Variants in ATF6 observed in about 807,000 individuals in gnomAD.
ATF6 encodes the protein cyclic AMP-dependent transcription factor ATF-6 alpha.
In ATF6, 53 loss-of-function variants were observed where a neutral mutation model predicts 83.6. That is an observed-to-expected ratio of 0.63 (90% CI 0.51 to 0.80). ATF6 has a LOEUF of 0.80. ATF6 is among the 30% of genes least tolerant of loss of function. ATF6 has a pLI of 0.00. For missense variants in ATF6, 744 were observed against 797.9 expected, an observed-to-expected ratio of 0.93 and a Z score of 0.81; for synonymous variants, 288 against 285.8, an observed-to-expected ratio of 1.01 and a Z score of -0.08.
intron 15 of ATF6, among the ~76,000 whole-genome samples, chr1:161,952,563 G>A (rs1210378770): frequency 6.6e-6 from 1 of 151,856 alleles, no homozygotes; most frequent in African/African-American, 2.4e-5. Flanking sequence ...ATGAGGACAG[G>A]ATTTTTTTTT....
chr1:161,780,261 T>C (rs567768652), intron 2 of ATF6, among the ~76,000 whole-genome samples: 1 of 152,216 alleles, frequency 6.6e-6, no homozygotes, highest in Non-Finnish European at 1.5e-5. Flanking sequence ...AAATGAACCA[T>C]ATAGTAGTCA....
intron 2 of ATF6, among the ~76,000 whole-genome samples, chr1:161,781,692 C>G (rs1684637490): frequency 6.6e-6 from 1 of 152,148 alleles, no homozygotes; most frequent in Admixed American, 6.5e-5. Context: ...AATCCCTTAC[C>G]TCTTTCCTAG....
chr1:161,816,952 TGTTTG>T (rs1685627885), intron 7 of ATF6, among the ~76,000 whole-genome samples: 1 of 152,216 alleles, frequency 6.6e-6, no homozygotes, highest in African/African-American at 2.4e-5. Flanking sequence ...TGGAGCCCTG[TGTTTG>T]GTGATAGCCG....
chr1:161,770,487 T>G (rs908682651), intron 1 of ATF6, among the ~76,000 whole-genome samples: 9 of 152,210 alleles, frequency 5.9e-5, no homozygotes, highest in South Asian at 2.1e-4. Context: ...CTGGCTTGCA[T>G]GCACATGGCT....
At chr1:161,770,638 T>C (rs1684362649) in intron 1 of ATF6, among the ~76,000 whole-genome samples, 1 of 152,202 alleles carries the variant, frequency 6.6e-6, no homozygotes, top group Non-Finnish European at 1.5e-5. Context: ...TCTCTCGATA[T>C]AGTAATATTT....
At chr1:161,803,861 C>T (rs1335811266) in intron 7 of ATF6, among the ~76,000 whole-genome samples, 1 of 151,702 alleles carries the variant, frequency 6.6e-6, no homozygotes, top group Non-Finnish European at 1.5e-5. Context: ...TTTTATTATA[C>T]TTTAAGTTTT....
In ATF6 at chr1:161,962,119, C is replaced by T. The variant is rs989890382; in HGVS notation, c.*3465C>T. 8 of 95,562 alleles carry T rather than the reference C, an allele frequency of 8.4e-5. No individual in the cohort carries two copies. The highest frequency in any genetic ancestry group is 2.5e-4 in the African/African-American group (8 of 32,444). The allele number at this position is 95,562 out of a possible 1,614,324, so 5.9% of individuals were successfully genotyped here. On this transcript the variant is annotated 3_prime_UTR_variant, in exon 16 of 16. Transcript: ENST00000367942. Reference sequence around the variant, plus strand: ...CTCACGATTATAAAACTCAGAGCATCATCTAATTTTTTTTTTTAATGACTA... The same window carrying T: ...CTCACGATTATAAAACTCAGAGCATTATCTAATTTTTTTTTTTAATGACTA...
At chr1:161,939,411 A>G (rs1688601398) in intron 15 of ATF6, among the ~76,000 whole-genome samples, 1 of 152,186 alleles carries the variant, frequency 6.6e-6, no homozygotes, top group South Asian at 2.1e-4. Flanking sequence ...GGTTTGCTGC[A>G]CCCATTAACT....
At chr1:161,788,811 A>G (rs1322929044) in intron 4 of ATF6, among the ~76,000 whole-genome samples, 1 of 152,086 alleles carries the variant, frequency 6.6e-6, no homozygotes, top group Non-Finnish European at 1.5e-5. Flanking sequence ...TGTCTTTATA[A>G]TCACTTGTAA....
chr1:161,946,827 C>T (rs1229026720), intron 15 of ATF6, among the ~76,000 whole-genome samples: 1 of 152,182 alleles, frequency 6.6e-6, no homozygotes, highest in African/African-American at 2.4e-5. Context: ...CAAAAAACTT[C>T]TCGCCCCTGA....
At position 161,958,521 on chromosome 1, in the gene ATF6, A is replaced by T; in HGVS notation, c.1880A>T (p.His627Leu). 1 of 1,613,924 alleles carries T rather than the reference A, an allele frequency of 6.2e-7. No homozygotes were observed. The highest frequency in any genetic ancestry group is 8.5e-7 in the Non-Finnish European group (1 of 1,179,858). ...CAGGTGATGGACACCAGGATCCTCCATATCAAAAGTTCGTCAGTTCCTCCT... is the reference window on the plus strand; with the variant it reads ...CAGGTGATGGACACCAGGATCCTCCTTATCAAAAGTTCGTCAGTTCCTCCT... ...DCQVMDTRIL[H>L]IKSSSVPPYL... Residue 627 changes from histidine (H) to leucine (L), a missense_variant, in exon 16 of 16, where the codon CAT (histidine) becomes CTT (leucine). Transcript: ENST00000367942.
At chr1:161,879,808 T>TC (rs1426479589) in intron 14 of ATF6, among the ~76,000 whole-genome samples, 2 of 152,114 alleles carry the variant, frequency 1.3e-5, no homozygotes, top group Admixed American at 1.3e-4. Context: ...GTATCATCCC[T>TC]CTCTTTCCTC....
At chr1:161,801,742 G>A (rs1285373902) in intron 6 of ATF6, among the ~76,000 whole-genome samples, 3 of 152,072 alleles carry the variant, frequency 2.0e-5, no homozygotes, top group Admixed American at 6.6e-5. Context: ...AAATTTCAGA[G>A]GTTAATTCTT....
intron 15 of ATF6, among the ~76,000 whole-genome samples, chr1:161,951,793 G>A (rs1403785610): frequency 6.6e-6 from 1 of 152,054 alleles, no homozygotes; most frequent in Non-Finnish European, 1.5e-5. Context: ...CTGCACAAGG[G>A]AAAAAAACTC....
intron 14 of ATF6, among the ~76,000 whole-genome samples, chr1:161,890,042 G>C (rs1299157269): frequency 6.6e-6 from 1 of 151,882 alleles, no homozygotes; most frequent in Non-Finnish European, 1.5e-5. Flanking sequence ...AATTATTTTT[G>C]TGAACTCTCT....
rs147196280 is a variant in ATF6 at position 161,843,260 on chromosome 1, C to T, written c.1188-3189C>T. Among the ~76,000 whole-genome samples the T allele has an allele frequency of 3.9e-3, 574 of 148,990 alleles. 6 individuals are homozygous for T. Among genetic ancestry groups the T allele is most frequent in the African/African-American group, 0.013 (530 of 41,184 alleles). Reference sequence around the variant, plus strand: ...ACTTGGGGAGAGTATGCAAACTCCACACAGACAGTGACCTTGGCTGGGAAT... The same window carrying T: ...ACTTGGGGAGAGTATGCAAACTCCATACAGACAGTGACCTTGGCTGGGAAT... On this transcript the variant is annotated intron_variant, in intron 9 of 15. Transcript: ENST00000367942.
At chr1:161,896,237 A>G (rs1186646759) in intron 14 of ATF6, among the ~76,000 whole-genome samples, 4 of 152,168 alleles carry the variant, frequency 2.6e-5, no homozygotes, top group African/African-American at 9.7e-5. Flanking sequence ...CCTGCCAAGT[A>G]GCTGGGACTA....
intron 7 of ATF6, among the ~76,000 whole-genome samples, chr1:161,811,577 A>G (rs931142530): frequency 6.6e-6 from 1 of 152,254 alleles, no homozygotes; most frequent in Non-Finnish European, 1.5e-5. Flanking sequence ...AACAAAAAAT[A>G]GTACAGAGAA....
intron 15 of ATF6, among the ~76,000 whole-genome samples, chr1:161,916,539 C>T (rs1361734451): frequency 6.6e-6 from 1 of 152,114 alleles, no homozygotes. Context: ...AAAAATTTAA[C>T]ATTGATACAG....
Sources: allele counts gnomAD v4.1 joint callset (sites outside exome capture counted in the v4.1 genomes callset), GRCh38; gene constraint gnomAD v4.1.1; transcripts MANE v1.5; gene names NCBI Gene and HGNC (gene_info 2026-07-23, HGNC 2026-07-21).